Variants in TEKT5 observed in about 807,000 individuals in gnomAD.
TEKT5 encodes the protein tektin 5.
TEKT5 carries 52 observed loss-of-function variants against 48.7 expected under a neutral mutation model. That is an observed-to-expected ratio of 1.07 (90% confidence interval 0.86 to 1.35). The LOEUF is 1.35. Among genes scored for constraint, TEKT5 ranks in the 40% most tolerant of loss-of-function variants. The pLI is 0.00. For missense variants in TEKT5, 831 were observed against 641.6 expected, an observed-to-expected ratio of 1.30 and a Z score of -3.19; for synonymous variants, 318 against 267.6, an observed-to-expected ratio of 1.19 and a Z score of -1.84.
At chr16:10,636,092 A>C (rs1189192098) in intron 5 of TEKT5, among the ~76,000 whole-genome samples, 174 bp from the exon 6 acceptor site, 1 of 151,710 alleles carries the variant, frequency 6.6e-6, no homozygotes, top group Non-Finnish European at 1.5e-5. Flanking sequence ...AGAAACCTTG[A>C]GGCTGGGCGC....
chr16:10,657,426 C>G (rs1181168926), intron 5 of TEKT5, among the ~76,000 whole-genome samples: 10 of 152,062 alleles, frequency 6.6e-5, no homozygotes, highest in African/African-American at 2.4e-4. Context: ...CCATGCCCGG[C>G]CTAGAGCTGC....
chr16:10,690,148 G>C, intron 1 of TEKT5, 123 bp from the exon 2 acceptor site: 1 of 955,596 alleles, frequency 1.0e-6, no homozygotes, highest in Admixed American at 2.2e-5. Context: ...GGTGCTTCAT[G>C]TGACCTCACT....
intron 5 of TEKT5, among the ~76,000 whole-genome samples, chr16:10,650,426 G>A (rs1361257830): frequency 6.6e-6 from 1 of 151,998 alleles, no homozygotes; most frequent in African/African-American, 2.4e-5. Context: ...TACGGGGCCT[G>A]TCTGCAGCTT....
At chr16:10,688,607 G>T (rs1171690165) in intron 3 of TEKT5, among the ~76,000 whole-genome samples, 1 of 152,358 alleles carries the variant, frequency 6.6e-6, no homozygotes, top group African/African-American at 2.4e-5. Context: ...AGTGCCAGCT[G>T]CAGGTGGAGG....
intron 5 of TEKT5, among the ~76,000 whole-genome samples, chr16:10,637,017 T>G (rs1897923705): frequency 6.8e-6 from 1 of 147,632 alleles, no homozygotes; most frequent in South Asian, 2.2e-4. Context: ...AGTCTCGCTC[T>G]GTCACCAGGG....
intron 6 of TEKT5, among the ~76,000 whole-genome samples, chr16:10,629,960 A>T (rs1897814235): frequency 6.6e-6 from 1 of 151,824 alleles, no homozygotes; most frequent in South Asian, 2.1e-4. Context: ...TCTTTTTGAG[A>T]CAGAGTCTCA....
In TEKT5 at chr16:10,682,130, G is replaced by C; in HGVS notation, c.726C>G (p.Asn242Lys). ...TCTCCAGCACGTGCTGAGCATCCCG[G>C]TTATCCCTGCAGGGAGGGAGGAGTC... is the stretch of plus-strand genomic sequence containing the variant. ...AQRIDIQMRD[N>K]RDAQHVLERD... Residue 242 changes from asparagine to lysine, a missense_variant, in exon 4 of 7, where the codon AAC becomes AAG. Coordinates refer to ENST00000283025, the MANE Select transcript of TEKT5 (RefSeq NM_144674.2). 6.2e-7 allele frequency: 1 copy of C among 1,614,020 alleles called. No homozygotes were observed.
intron 1 of TEKT5, among the ~76,000 whole-genome samples, chr16:10,693,927 G>A (rs1465699196): frequency 6.6e-6 from 1 of 152,204 alleles, no homozygotes; most frequent in South Asian, 2.1e-4. Flanking sequence ...CCAAGATCGA[G>A]CCACTGCACT....
intron 5 of TEKT5, among the ~76,000 whole-genome samples, chr16:10,666,978 C>CTTTTTTT (rs201657619): frequency 2.4e-4 from 30 of 124,668 alleles, no homozygotes; most frequent in South Asian, 1.1e-3. Context: ...TGGCTCCTTA[C>CTTTTTTT]TTTTTTTTTT....
chr16:10,635,396 A>G (rs971607100), intron 6 of TEKT5, among the ~76,000 whole-genome samples: 3 of 152,016 alleles, frequency 2.0e-5, no homozygotes, highest in African/African-American at 7.3e-5. Flanking sequence ...CTTTCATGGA[A>G]GCCTGGAGAG....
intron 1 of TEKT5, chr16:10,692,959 G>C (rs997137334): frequency 2.0e-5 from 3 of 152,208 alleles, no homozygotes; most frequent in African/African-American, 7.2e-5. Context: ...ATAAATTCCT[G>C]TTTGGCTAAA....
intron 1 of TEKT5, chr16:10,690,789 G>A (rs1486654746): frequency 1.0e-6 from 1 of 985,250 alleles, no homozygotes; most frequent in African/African-American, 1.7e-5. Context: ...AAACAGCAGT[G>A]ATTAGCAAAC....
At chr16:10,637,096 C>T (rs1897925455) in intron 5 of TEKT5, among the ~76,000 whole-genome samples, 1 of 151,960 alleles carries the variant, frequency 6.6e-6, no homozygotes, top group South Asian at 2.1e-4. Context: ...ATTCTCCTGC[C>T]TCAGCCTCCA....
At position 10,689,873 on chromosome 16, in the gene TEKT5, GT is replaced by G; in HGVS notation, c.648+68del. 5.3e-6 allele frequency: 8 copies of G among 1,500,334 alleles called. No individual in the cohort carries two copies. The South Asian group carries it at 8.0e-5, about 15-fold the overall frequency. 92.9% of individuals were successfully genotyped at this position (1,500,334 alleles called of 1,614,324 possible). ...GCTTCTGCTCCTGACAGGTAGCTCA[GT>G]AATTTCTCTGACCTGCTGGCCTTCC... On this transcript the variant is annotated intron_variant, in intron 2 of 6. Transcript: ENST00000283025.
chr16:10,677,389 C>T (rs1293635040), intron 4 of TEKT5, among the ~76,000 whole-genome samples: 1 of 147,168 alleles, frequency 6.8e-6, no homozygotes, highest in Non-Finnish European at 1.5e-5. Flanking sequence ...GCGGGCGGAT[C>T]ACTTGAGGCC....
intron 5 of TEKT5, among the ~76,000 whole-genome samples, chr16:10,639,212 A>C (rs79769322): frequency 0.021 from 3,207 of 151,904 alleles, 126 homozygotes; most frequent in African/African-American, 0.074. Context: ...GAGGCTGAGG[A>C]TGGAGAACTG....
chr16:10,641,495 C>T (rs1465053522), intron 5 of TEKT5, among the ~76,000 whole-genome samples: 1 of 152,142 alleles, frequency 6.6e-6, no homozygotes, highest in Admixed American at 6.6e-5. Flanking sequence ...CTAAATTCCC[C>T]AGACCCTACC....
Position 10,657,802 on chromosome 16 carries a change from G to A in TEKT5, c.1086+18157C>T, listed in dbSNP as rs558142513. On this transcript the variant is annotated intron_variant, in intron 5 of 6. Coordinates refer to ENST00000283025, the MANE Select transcript of TEKT5 (RefSeq NM_144674.2). ...TCTTTAGTAGAGACAGGGTTTTACC[G>A]TGTTAGCCAGGATGTTCTCGATCTC... 7.5e-5 allele frequency among the ~76,000 whole-genome samples: 11 copies of A among 147,136 alleles called. No homozygotes were observed. The South Asian group carries it at 1.9e-3, about 26-fold the overall frequency.
intron 3 of TEKT5, among the ~76,000 whole-genome samples, chr16:10,682,811 G>A (rs1898781354): frequency 6.6e-6 from 1 of 152,160 alleles, no homozygotes; most frequent in Non-Finnish European, 1.5e-5. Flanking sequence ...AAAAACAGAT[G>A]GCGGGCCAGA....
Sources: allele counts gnomAD v4.1 joint callset (sites outside exome capture counted in the v4.1 genomes callset), GRCh38; gene constraint gnomAD v4.1.1; transcripts MANE v1.5; gene names NCBI Gene and HGNC (gene_info 2026-07-23, HGNC 2026-07-21).